Variants in OGT observed in about 807,000 individuals in gnomAD.
OGT encodes UDP-N-acetylglucosamine--peptide N-acetylglucosaminyltransferase 110 kDa subunit.
Under a neutral mutation model 75.8 loss-of-function variants are expected in OGT, and 3 were observed. That is an observed-to-expected ratio of 0.04 (90% CI 0.02 to 0.10). The LOEUF is 0.10. Ranked by LOEUF, OGT falls within the 10% of genes least tolerant of loss-of-function variation. The probability of loss-of-function intolerance (pLI) is 1.00; values close to 1 mark genes in which losing one functional copy is unlikely to be tolerated. For synonymous variants in OGT, 257 were observed against 289.7 expected, an observed-to-expected ratio of 0.89 and a Z score of 1.15; for missense variants, 260 against 824.4, an observed-to-expected ratio of 0.32 and a Z score of 8.38.
At chrX:71,552,277 A>G (rs2040310912) in intron 5 of OGT, among the ~76,000 whole-genome samples, 1 of 111,501 alleles carries the variant, frequency 9.0e-6, no homozygotes. Flanking sequence ...AAATAAATAA[A>G]CACACAAACT....
chrX:71,544,906 G>A (rs2040248949), intron 4 of OGT: 1 of 302,842 alleles, frequency 3.3e-6, no homozygotes, highest in South Asian at 7.8e-5. Flanking sequence ...ATCTTATGTG[G>A]GAATAAATAA....
intron 5 of OGT, among the ~76,000 whole-genome samples, chrX:71,554,290 T>G (rs1412696427): frequency 8.9e-6 from 1 of 112,030 alleles, no homozygotes; most frequent in Admixed American, 9.5e-5. Context: ...ATTTTTCTCT[T>G]CAGGACCCAT....
intron 18 of OGT, among the ~76,000 whole-genome samples, chrX:71,563,844 A>G (rs2040400151): frequency 8.9e-6 from 1 of 112,076 alleles, no homozygotes; most frequent in South Asian, 3.7e-4. Flanking sequence ...CGTTCAGTTC[A>G]GACAGCTCTT....
chrX:71,552,676 C>T (rs1469865658), intron 5 of OGT, among the ~76,000 whole-genome samples: 2 of 109,380 alleles, frequency 1.8e-5, no homozygotes, highest in African/African-American at 3.3e-5. Context: ...TGAGCCACCA[C>T]GCCCAGCTGA....
chrX:71,547,225 G>A (rs1380596821), intron 4 of OGT: 2 of 752,712 alleles, frequency 2.7e-6, no homozygotes, highest in Admixed American at 8.8e-5. Flanking sequence ...CTACTTGGCA[G>A]AAAGACATTT....
At chrX:71,541,072 TC>T (rs1342474406) in intron 3 of OGT, among the ~76,000 whole-genome samples, 1 of 112,054 alleles carries the variant, frequency 8.9e-6, no homozygotes, top group Non-Finnish European at 1.9e-5. Flanking sequence ...ACCTGGCAAT[TC>T]CTTTTGCAAA....
rs1458708230 is a variant in OGT, at chrX:71,567,587, A to G, written c.2677A>G (p.Met893Val). 2 of 1,208,925 alleles carry G rather than the reference A, an allele frequency of 1.7e-6. No homozygotes were observed. Among genetic ancestry groups the G allele is most frequent in the South Asian group, 3.5e-5 (2 of 56,600 alleles). The change falls in exon 20 of 22, where the codon ATG (methionine) becomes GTG (valine). Residue 893 changes from methionine (M) to valine (V), a missense_variant. Around this residue, in one of 6 missense-constraint regions of OGT, gnomAD observed 79 missense variants for 141.0 expected, o/e 0.56. Coordinates refer to ENST00000373719, the MANE Select transcript of OGT (RefSeq NM_181672.3). ...EPNIQQYAQNMGLPQNRIIFS... is the reference protein window; with the variant it reads ...EPNIQQYAQNVGLPQNRIIFS... ...TAATATTCAACAGTATGCACAAAAC[A>G]TGGGCCTGCCCCAGAACCGTATCAT...
At chrX:71,564,827 C>T in intron 19 of OGT, 74 bp downstream of exon 19, 2 of 867,515 alleles carry the variant, frequency 2.3e-6, no homozygotes, top group South Asian at 2.5e-5. Flanking sequence ...GGTCCTTCCA[C>T]TCCCATTTAG....
chrX:71,561,415 G>A (rs1234749497), intron 14 of OGT, among the ~76,000 whole-genome samples: 2 of 108,267 alleles, frequency 1.8e-5, no homozygotes, highest in African/African-American at 3.4e-5. Flanking sequence ...TGAGGTGGAA[G>A]GATTGCTTGA....
At chrX:71,555,716 C>G in intron 7 of OGT, 1 of 414,594 alleles carries the variant, frequency 2.4e-6, no homozygotes, top group Non-Finnish European at 4.1e-6. Context: ...GAGCACGAGA[C>G]TCTGTCTCAA....
chrX:71,555,921 TAC>T (rs1209641720), intron 7 of OGT, 31 bp from the exon 8 acceptor site: 11 of 1,203,884 alleles, frequency 9.1e-6, no homozygotes, highest in Non-Finnish European at 1.2e-5. Flanking sequence ...TATGATTCTG[TAC>T]AGTTTTTGAA....
intron 14 of OGT, among the ~76,000 whole-genome samples, 180 bp from the exon 15 acceptor site, chrX:71,561,593 AAT>A (rs1298872601): frequency 9.0e-6 from 1 of 111,587 alleles, no homozygotes; most frequent in Non-Finnish European, 1.9e-5. Context: ...GGCCCATTTT[AAT>A]GACAGTCAAC....
At chrX:71,542,108 C>T (rs1446301537) in intron 3 of OGT, among the ~76,000 whole-genome samples, 2 of 112,127 alleles carry the variant, frequency 1.8e-5, no homozygotes, top group Non-Finnish European at 3.8e-5. Flanking sequence ...GATAAGGATT[C>T]TATATCTTTT....
At chrX:71,566,016 C>T (rs1417250211) in intron 19 of OGT, among the ~76,000 whole-genome samples, 4 of 112,377 alleles carry the variant, frequency 3.6e-5, no homozygotes, top group East Asian at 2.8e-4. Flanking sequence ...AGTGGGATAT[C>T]GGATAGCTAT....
At chrX:71,556,208 T>G in intron 8 of OGT, 114 bp downstream of exon 8, 1 of 856,734 alleles carries the variant, frequency 1.2e-6, no homozygotes, top group African/African-American at 2.0e-5. Flanking sequence ...TACAAGAGGA[T>G]TATTCATTGA....
rs748926042 is a variant in OGT at position 71,534,682 on chromosome X, G to C, written c.37+1346G>C. 7.2e-5 allele frequency among the ~76,000 whole-genome samples: 8 copies of C among 111,355 alleles called. No individual in the cohort carries two copies. The South Asian group carries it at 1.2e-3, about 16-fold the overall frequency. On this transcript the variant is annotated intron_variant, in intron 1 of 21. Transcript: ENST00000373719. ...GTGATTTTCAAAGGTTTAAGATTCT[G>C]TACTGGATTCTGTACTAGCTTGCCC...
At chrX:71,558,151 A>G (rs371917035) in intron 12 of OGT, among the ~76,000 whole-genome samples, 8 of 109,286 alleles carry the variant, frequency 7.3e-5, no homozygotes, top group African/African-American at 2.3e-4. Context: ...GGGTTTTGCT[A>G]TGTTGCCCAA....
chrX:71,538,451 AT>A (rs2040195348), intron 3 of OGT, among the ~76,000 whole-genome samples: 1 of 112,169 alleles, frequency 8.9e-6, no homozygotes, highest in Non-Finnish European at 1.9e-5. Context: ...AAAATCTGTA[AT>A]ATAAAATAGT....
chrX:71,563,982 T>A (rs754905264), intron 18 of OGT, among the ~76,000 whole-genome samples: 3 of 112,245 alleles, frequency 2.7e-5, no homozygotes, highest in Non-Finnish European at 5.6e-5. Context: ...ATTCCCTGTG[T>A]TTGTATCCTC....
Sources: allele counts gnomAD v4.1 joint callset (sites outside exome capture counted in the v4.1 genomes callset), GRCh38; gene constraint gnomAD v4.1.1; regional missense constraint gnomAD v4.1.1; transcripts MANE v1.5; gene names NCBI Gene and HGNC (gene_info 2026-07-23, HGNC 2026-07-21).